The following MTRF1 variants were observed in gnomAD, a reference collection of about 807,000 sequenced individuals.
MTRF1 encodes the protein mitochondrial translation release factor 1.
In MTRF1, 51 loss-of-function variants were observed where a neutral mutation model predicts 62.9. The observed-to-expected ratio is 0.81, with a 90% CI of 0.65 to 1.02. MTRF1 has a LOEUF of 1.02. Ranked by LOEUF, MTRF1 falls within the 50% of genes least tolerant of loss-of-function variation. The pLI is 0.00. For missense variants in MTRF1, 446 were observed against 530.0 expected (o/e 0.84, Z 1.56); for synonymous variants, 158 against 181.9 (o/e 0.87, Z 1.06).
chr13:41,297,620 G>C, the MTRF1 span, among the ~76,000 whole-genome samples: 1 of 150,926 alleles, frequency 6.6e-6, no homozygotes, highest in South Asian at 2.1e-4. Context: ...TTTTTACCTA[G>C]GCTGGAGTGC....
chr13:41,291,466 G>A, the MTRF1 span, among the ~76,000 whole-genome samples: 59 of 152,194 alleles, frequency 3.9e-4, no homozygotes, highest in Admixed American at 1.1e-3. Flanking sequence ...GTGAGCTGCC[G>A]CACCTGGTCA....
chr13:41,233,779 A>G (rs1025550557), intron 7 of MTRF1, 111 bp downstream of exon 7: 7 of 812,554 alleles, frequency 8.6e-6, no homozygotes, highest in Non-Finnish European at 1.2e-5. Flanking sequence ...CCCCAGTGAC[A>G]TTTTTAAAGA....
At chr13:41,311,639 G>A in the MTRF1 span, 1 of 1,536,222 alleles carries the variant, frequency 6.5e-7, no homozygotes, top group Non-Finnish European at 8.8e-7. Context: ...CGGGCCTTAA[G>A]GGCAAGCGGT....
chr13:41,293,426 C>G, the MTRF1 span, among the ~76,000 whole-genome samples: 1 of 152,010 alleles, frequency 6.6e-6, no homozygotes. Flanking sequence ...GTTTACTGGT[C>G]AGACAGTTTT....
At chr13:41,249,619 C>CTTTTTTTTTTTTTTTTTTTT (rs1166204914) in intron 5 of MTRF1, among the ~76,000 whole-genome samples, 2 of 61,532 alleles carry the variant, frequency 3.3e-5, no homozygotes, top group African/African-American at 7.2e-5. Context: ...ATTTTTTTTT[C>CTTTTTTTTTTTTTTTTTTTT]TTTTTTTTTT....
chr13:41,276,296 C>T, the MTRF1 span, among the ~76,000 whole-genome samples: 10 of 152,044 alleles, frequency 6.6e-5, no homozygotes, highest in South Asian at 2.1e-4. Context: ...CTCAGTCTCC[C>T]GAGTAGCTGG....
intron 9 of MTRF1, among the ~76,000 whole-genome samples, chr13:41,221,764 A>G (rs937134008): frequency 1.3e-5 from 2 of 152,194 alleles, no homozygotes; most frequent in African/African-American, 2.4e-5. Flanking sequence ...CTATGCACCT[A>G]TGGTCCCATC....
intron 4 of MTRF1, 77 bp downstream of exon 4, chr13:41,252,872 T>C (rs1186143204): frequency 1.5e-6 from 2 of 1,365,596 alleles, no homozygotes; most frequent in Non-Finnish European, 2.1e-6. Context: ...TAATGGACTT[T>C]TAAAGTTAGT....
At chr13:41,220,665 G>C (rs1472391749) in intron 9 of MTRF1, 1 of 1,107,358 alleles carries the variant, frequency 9.0e-7, no homozygotes, top group Non-Finnish European at 1.2e-6. Context: ...ATAAATGTAG[G>C]GACTCATATC....
At chr13:41,238,979 AG>A (rs1335428207) in intron 6 of MTRF1, among the ~76,000 whole-genome samples, 1 of 152,186 alleles carries the variant, frequency 6.6e-6, no homozygotes, top group Non-Finnish European at 1.5e-5. Context: ...ACATTCTTCA[AG>A]ACAAATGGTC....
At chr13:41,239,385 T>C (rs1252811548) in intron 6 of MTRF1, among the ~76,000 whole-genome samples, 15 of 152,302 alleles carry the variant, frequency 9.8e-5, no homozygotes, top group African/African-American at 9.6e-5. Context: ...AAGAGATCTA[T>C]GTGAAAGATT....
At chr13:41,302,152 G>A in the MTRF1 span, among the ~76,000 whole-genome samples, 6 of 151,772 alleles carry the variant, frequency 4.0e-5, no homozygotes, top group Admixed American at 6.6e-5. Context: ...TCAGACTCCC[G>A]AGTAGCTGGG....
chr13:41,253,764 A>G (rs1809361367), intron 3 of MTRF1, among the ~76,000 whole-genome samples: 1 of 152,252 alleles, frequency 6.6e-6, no homozygotes, highest in African/African-American at 2.4e-5. Flanking sequence ...ACTGAGAGTC[A>G]GACATCTTCT....
intron 1 of MTRF1, 137 bp from the exon 2 acceptor site, chr13:41,261,052 G>C (rs1281543925): frequency 1.1e-6 from 1 of 880,480 alleles, no homozygotes; most frequent in African/African-American, 1.7e-5. Flanking sequence ...TTCAACTGCC[G>C]GCTGGCAGCA....
chr13:41,272,479 A>G, the MTRF1 span, among the ~76,000 whole-genome samples: 1 of 152,164 alleles, frequency 6.6e-6, no homozygotes, highest in Admixed American at 6.5e-5. Context: ...TATTACCCAT[A>G]TCTTGGAATT....
At chr13:41,242,140 A>G (rs1236246228) in intron 5 of MTRF1, among the ~76,000 whole-genome samples, 1 of 151,782 alleles carries the variant, frequency 6.6e-6, no homozygotes. Context: ...TTTTTTTTGT[A>G]ATATACTGAA....
chr13:41,260,068 T>C (rs2040262224), intron 2 of MTRF1, among the ~76,000 whole-genome samples: 1 of 152,244 alleles, frequency 6.6e-6, no homozygotes, highest in South Asian at 2.1e-4. Flanking sequence ...AGGAGCCTGT[T>C]TACTTAGTAC....
At chr13:41,232,706 A>G (rs1453194329) in intron 7 of MTRF1, among the ~76,000 whole-genome samples, 2 of 152,196 alleles carry the variant, frequency 1.3e-5, no homozygotes, top group Non-Finnish European at 2.9e-5. Context: ...AAGAAACGGG[A>G]GGATCCAACA....
At chr13:41,220,233 G>A (rs2032986467) in intron 9 of MTRF1, among the ~76,000 whole-genome samples, 1 of 149,754 alleles carries the variant, frequency 6.7e-6, no homozygotes, top group African/African-American at 2.5e-5. Flanking sequence ...AGGAGGCTGA[G>A]GCAGGAGAAT....
Sources: allele counts gnomAD v4.1 joint callset (sites outside exome capture counted in the v4.1 genomes callset), GRCh38; gene constraint gnomAD v4.1.1; transcripts MANE v1.5; gene names NCBI Gene and HGNC (gene_info 2026-07-23, HGNC 2026-07-21).